GTF2F2: variants seen among roughly 807,000 people sequenced by gnomAD.
GTF2F2 encodes ATP-dependent helicase GTF2F2.
Under a neutral mutation model 42.2 loss-of-function variants are expected in GTF2F2, and 23 were observed. That is an observed-to-expected ratio of 0.55 (90% CI 0.39 to 0.77). GTF2F2 has a LOEUF of 0.77. GTF2F2 is among the 30% of genes least tolerant of loss of function. GTF2F2 has a pLI of 0.00. For synonymous variants in GTF2F2, 105 were observed against 100.8 expected (o/e 1.04, Z -0.25); for missense variants, 261 against 287.2 (o/e 0.91, Z 0.66).
At chr13:45,189,590 C>T (rs190687725) in intron 4 of GTF2F2, among the ~76,000 whole-genome samples, 131 of 152,324 alleles carry the variant, frequency 8.6e-4, no homozygotes, top group African/African-American at 2.9e-3. Flanking sequence ...TTAATGATTG[C>T]CATTCTAACT....
At chr13:45,155,069 T>C (rs9534046) in intron 4 of GTF2F2, among the ~76,000 whole-genome samples, 24,234 of 152,164 alleles carry the variant, frequency 0.16, 2,389 homozygotes, top group Non-Finnish European at 0.22. Flanking sequence ...TGCTGTGACA[T>C]ATTTAAAATG....
chr13:45,163,265 A>G (rs1871121029), intron 4 of GTF2F2, among the ~76,000 whole-genome samples: 1 of 152,172 alleles, frequency 6.6e-6, no homozygotes, highest in African/African-American at 2.4e-5. Flanking sequence ...TATACTTAAG[A>G]TCTTAGGAAG....
intron 4 of GTF2F2, among the ~76,000 whole-genome samples, chr13:45,162,830 A>G (rs529236099): frequency 6.6e-6 from 1 of 152,294 alleles, no homozygotes; most frequent in Admixed American, 6.5e-5. Context: ...AGTATAGTGA[A>G]TAGTTTAACC....
chr13:45,190,140 T>C (rs956849458), intron 4 of GTF2F2, among the ~76,000 whole-genome samples: 2 of 151,886 alleles, frequency 1.3e-5, no homozygotes, highest in Non-Finnish European at 2.9e-5. Context: ...TCCAAAGAAC[T>C]TAAACAAATC....
At chr13:45,247,120 C>T (rs919732311) in intron 5 of GTF2F2, among the ~76,000 whole-genome samples, 11 of 151,036 alleles carry the variant, frequency 7.3e-5, no homozygotes, top group African/African-American at 2.7e-4. Flanking sequence ...GAGGCTAAGG[C>T]GGGCAGATCA....
At chr13:45,260,698 A>T (rs1876302715) in intron 6 of GTF2F2, among the ~76,000 whole-genome samples, 1 of 152,336 alleles carries the variant, frequency 6.6e-6, no homozygotes, top group Admixed American at 6.5e-5. Context: ...CCAAATCCAC[A>T]AAGGATTGTC....
intron 7 of GTF2F2, among the ~76,000 whole-genome samples, chr13:45,279,283 G>A (rs1390500481): frequency 6.6e-6 from 1 of 152,190 alleles, no homozygotes; most frequent in Non-Finnish European, 1.5e-5. Flanking sequence ...AGATTACCAA[G>A]TAATTTTCAA....
chr13:45,254,892 T>A (rs1876034611), intron 6 of GTF2F2, among the ~76,000 whole-genome samples: 1 of 151,754 alleles, frequency 6.6e-6, no homozygotes, highest in South Asian at 2.1e-4. Flanking sequence ...CTTGGCAGAG[T>A]GCGGTGGCTC....
chr13:45,246,465 T>C (rs1414259464), intron 5 of GTF2F2, among the ~76,000 whole-genome samples: 1 of 152,198 alleles, frequency 6.6e-6, no homozygotes, highest in East Asian at 1.9e-4. Context: ...CCTAAATTTG[T>C]TTAACTTGAG....
At chr13:45,151,620 A>C in intron 3 of GTF2F2, 67 bp from the exon 4 acceptor site, 1 of 1,027,184 alleles carries the variant, frequency 9.7e-7, no homozygotes, top group Non-Finnish European at 1.4e-6. Context: ...GATTTATAAC[A>C]AAAATTTATA....
chr13:45,217,192 G>A (rs1375293617), intron 5 of GTF2F2, among the ~76,000 whole-genome samples: 1 of 151,652 alleles, frequency 6.6e-6, no homozygotes, highest in Non-Finnish European at 1.5e-5. Flanking sequence ...CCAGCTACTC[G>A]GGAGGTTGAG....
intron 4 of GTF2F2, among the ~76,000 whole-genome samples, chr13:45,202,641 A>C (rs906839751): frequency 6.6e-6 from 1 of 152,146 alleles, no homozygotes; most frequent in African/African-American, 2.4e-5. Flanking sequence ...TAAACATTTT[A>C]TCTTAAAACT....
At chr13:45,214,612 A>T (rs1294299188) in intron 5 of GTF2F2, among the ~76,000 whole-genome samples, 1 of 152,184 alleles carries the variant, frequency 6.6e-6, no homozygotes, top group Non-Finnish European at 1.5e-5. Context: ...GTTTGGATTA[A>T]TCTGAATATT....
chr13:45,253,105 G>T, intron 6 of GTF2F2, 135 bp downstream of exon 6: 1 of 472,466 alleles, frequency 2.1e-6, no homozygotes. Flanking sequence ...ACCTGATCTG[G>T]ACTTAGTAAG....
intron 5 of GTF2F2, among the ~76,000 whole-genome samples, chr13:45,228,060 T>A (rs1874453037): frequency 6.6e-6 from 1 of 151,788 alleles, no homozygotes; most frequent in South Asian, 2.1e-4. Context: ...AGCTTTTTCC[T>A]TTTCATTTCT....
Position 45,251,745 on chromosome 13 carries a change from TAATA to T in GTF2F2, c.387-1123_387-1120del, listed in dbSNP as rs1875887353. On this transcript the variant is annotated intron_variant, in intron 5 of 7. Transcript: ENST00000340473. ...TAGTTTCTCAGTGAGGATCTATAAA[TAATA>T]AACATAAGCTTTTGTCCAAAAATGC... is the stretch of plus-strand genomic sequence containing the variant. Among the ~76,000 whole-genome samples the T allele has an allele frequency of 3.9e-5, 6 of 152,290 alleles. No homozygotes were observed. The South Asian group carries it at 1.2e-3, about 32-fold the overall frequency.
At chr13:45,191,154 G>A (rs1432329109) in intron 4 of GTF2F2, among the ~76,000 whole-genome samples, 7 of 144,574 alleles carry the variant, frequency 4.8e-5, no homozygotes, top group Non-Finnish European at 4.5e-5. Flanking sequence ...GGTGGATCAC[G>A]AGGTCAGGAT....
intron 4 of GTF2F2, among the ~76,000 whole-genome samples, chr13:45,165,894 A>G (rs1334747590): frequency 7.1e-6 from 1 of 141,598 alleles, no homozygotes. Flanking sequence ...GCCTACTGCA[A>G]CCTCTGTCTC....
chr13:45,278,483 G>A (rs546897602), intron 7 of GTF2F2, among the ~76,000 whole-genome samples: 5 of 152,120 alleles, frequency 3.3e-5, no homozygotes, highest in Non-Finnish European at 5.9e-5. Flanking sequence ...GCTGCAGCTT[G>A]GCACATAGTC....
Sources: gnomAD v4.1 joint callset for allele counts (sites outside exome capture counted in the v4.1 genomes callset) on GRCh38, gnomAD v4.1.1 for gene constraint, MANE v1.5 for transcripts, NCBI Gene and HGNC (gene_info 2026-07-23, HGNC 2026-07-21) for gene names.